Variants in FMO5 observed in about 807,000 individuals in gnomAD.
The protein encoded by FMO5 is flavin containing dimethylaniline monoxygenase 5, also known as flavin-containing monooxygenase 5.
A neutral mutation model predicts 43.6 loss-of-function variants in FMO5; 51 were observed. The observed-to-expected ratio is 1.17, with a 90% CI of 0.93 to 1.48. FMO5 has a LOEUF of 1.48. FMO5 is among the 40% of genes most tolerant of loss of function. The pLI, the probability that FMO5 is intolerant of heterozygous loss-of-function variation, is 0.00. For synonymous variants in FMO5, 187 were observed against 216.5 expected, an observed-to-expected ratio of 0.86 and a Z score of 1.20; for missense variants, 644 against 643.0, an observed-to-expected ratio of 1.00 and a Z score of -0.02.
At position 147,203,837 on chromosome 1, in the gene FMO5, T is replaced by G; in HGVS notation, c.831-2333A>C. 3 of 1,570,258 alleles carry G rather than the reference T, an allele frequency of 1.9e-6. No homozygotes were observed. In the Admixed American group the frequency reaches 5.0e-5, roughly 26 times the overall value. On this transcript the variant is annotated intron_variant, in intron 6 of 8. Coordinates refer to ENST00000254090, the MANE Select transcript of FMO5 (RefSeq NM_001461.4). ...GGTAGAAATGATGCCATCTTCCTTT[T>G]CATGCTTAAAAACCACCACCTGAGT...
At chr1:147,204,494 C>G in intron 6 of FMO5, 1 of 1,544,380 alleles carries the variant, frequency 6.5e-7, no homozygotes, top group Admixed American at 1.7e-5. Context: ...GAACAACGTA[C>G]CAAATTAGGA....
chr1:147,192,974 T>G (rs1327134809), intron 7 of FMO5, among the ~76,000 whole-genome samples: 1 of 152,142 alleles, frequency 6.6e-6, no homozygotes, highest in Non-Finnish European at 1.5e-5. Flanking sequence ...TAAAATTCTT[T>G]TTTGTTGTGT....
downstream of FMO5, chr1:147,184,385 T>TA: frequency 8.4e-7 from 1 of 1,197,028 alleles, no homozygotes; most frequent in South Asian, 2.4e-5. This position sits in a 1 kb window ranked among gnomAD's most constrained non-coding sequence, Gnocchi z 4.4. Flanking sequence ...CCAATATTGA[T>TA]ACATTATTAA....
At chr1:147,202,934 G>A (rs1417388131) in intron 6 of FMO5, among the ~76,000 whole-genome samples, 6 of 151,944 alleles carry the variant, frequency 3.9e-5, no homozygotes, top group Non-Finnish European at 8.8e-5. Flanking sequence ...TCTACTCCTT[G>A]TTATCTCAAC....
rs1048781217 is a variant in FMO5 at position 147,198,867 on chromosome 1, A to G, written c.1183+2285T>C. On this transcript the variant is annotated intron_variant, in intron 7 of 8. Transcript: ENST00000254090. ...CTGCATCTCAAAAAAAAAAAAAAAAAAAAAAAAAGAAAGAAAGATGGGCCT... is the reference window on the plus strand; with the variant it reads ...CTGCATCTCAAAAAAAAAAAAAAAAGAAAAAAAAGAAAGAAAGATGGGCCT... Among the ~76,000 whole-genome samples the G allele has an allele frequency of 1.3e-3, 202 of 150,308 alleles. 4 individuals carry two copies. The highest frequency in any genetic ancestry group is 4.6e-3 in the African/African-American group (190 of 41,044).
intron 5 of FMO5, among the ~76,000 whole-genome samples, chr1:147,211,896 A>G (rs1571340167): frequency 6.6e-6 from 1 of 152,326 alleles, no homozygotes; most frequent in South Asian, 2.1e-4. Context: ...TGTCTTTGGG[A>G]AGATAAAATT....
chr1:147,201,880 T>C (rs1659034990), intron 6 of FMO5, among the ~76,000 whole-genome samples: 1 of 152,242 alleles, frequency 6.6e-6, no homozygotes, highest in South Asian at 2.1e-4. Context: ...TTCAGTCTCA[T>C]TTCCAGTTTC....
At chr1:147,188,236 C>T (rs1360938319) in intron 8 of FMO5, among the ~76,000 whole-genome samples, 2 of 152,034 alleles carry the variant, frequency 1.3e-5, no homozygotes, top group Non-Finnish European at 2.9e-5. Context: ...CTATACTATT[C>T]ATGAGGTTGG....
chr1:147,213,050 C>T (rs1661346600), intron 4 of FMO5, among the ~76,000 whole-genome samples: 2 of 152,052 alleles, frequency 1.3e-5, no homozygotes, highest in Non-Finnish European at 2.9e-5. Context: ...ACATTCTTCC[C>T]TTTGATACTC....
At chr1:147,214,924 G>A (rs1300984551) in intron 3 of FMO5, 1 of 152,218 alleles carries the variant, frequency 6.6e-6, no homozygotes, top group African/African-American at 2.4e-5. Flanking sequence ...CCACTGGAAT[G>A]TAAATGACTT....
intron 6 of FMO5, chr1:147,204,787 C>A: frequency 1.3e-6 from 2 of 1,585,706 alleles, no homozygotes; most frequent in Admixed American, 1.7e-5. Context: ...CATTCCATTT[C>A]GTCCATATGC....
chr1:147,226,468 T>C (rs28381161), upstream of FMO5, among the ~76,000 whole-genome samples: 904 of 152,234 alleles, frequency 5.9e-3, 4 homozygotes, highest in Non-Finnish European at 9.4e-3. Context: ...CACACAGTTA[T>C]ATTAGTAACC....
intron 2 of FMO5, among the ~76,000 whole-genome samples, chr1:147,217,136 G>A (rs1559674277): frequency 6.6e-6 from 1 of 151,944 alleles, no homozygotes. Context: ...GCTAGTCGGG[G>A]GGCTGAGGCA....
chr1:147,220,059 C>G (rs148448751), intron 2 of FMO5, among the ~76,000 whole-genome samples: 1 of 151,948 alleles, frequency 6.6e-6, no homozygotes, highest in Admixed American at 6.6e-5. Flanking sequence ...AGGCTGGTCT[C>G]GATCTCCTGA....
At position 147,186,931 on chromosome 1, in the gene FMO5, G is replaced by T. The variant is rs781959760; in HGVS notation, c.1571C>A (p.Ala524Asp). 48 of 1,613,870 alleles carry T rather than the reference G, an allele frequency of 3.0e-5. No individual in the cohort carries two copies. The highest frequency in any genetic ancestry group is 8.9e-5 in the East Asian group (4 of 44,896). ...MTIGKFMLAL[A>D]FFAIIIAYF ...GTAAGCTATAATTATAGCAAAGAAG[G>T]CAAGAGCTAGCATAAACTTGCCTAT... The change falls in exon 9 of 9, where the codon GCC (alanine) becomes GAC (aspartate). Residue 524 changes from alanine (A) to aspartate (D), a missense_variant. Transcript: ENST00000254090.
chr1:147,201,154 T>G lies in FMO5; in HGVS notation c.1181A>C (p.Lys394Thr). The G allele has an allele frequency of 6.2e-7, 1 of 1,607,740 alleles. No individual in the cohort carries two copies. The highest frequency in any genetic ancestry group is 8.5e-7 in the Non-Finnish European group (1 of 1,176,114). ...LQGRWATQVF[K>T]GLKTLPSQSE... is the part of the protein sequence containing the mutation. Reference sequence around the variant, plus strand: ...AGTCTATTTGCATGGTCACTTACCTTTAAATACCTGAGTGGCCCAGCGTCC... The same window carrying G: ...AGTCTATTTGCATGGTCACTTACCTGTAAATACCTGAGTGGCCCAGCGTCC... Residue 394 changes from lysine (K) to threonine (T), a missense_variant and splice_region_variant, in exon 7 of 9, where the codon AAA becomes ACA. By Grantham distance (78) the Lys-to-Thr change is moderately conservative. Coordinates refer to ENST00000254090, the MANE Select transcript of FMO5 (RefSeq NM_001461.4).
upstream of FMO5, among the ~76,000 whole-genome samples, chr1:147,226,096 A>T (rs10900327): frequency 0.6 from 84,122 of 141,166 alleles, 24,743 homozygotes; most frequent in East Asian, 0.88. Flanking sequence ...GTTGTCTGGC[A>T]ATTTATCTTA....
At chr1:147,209,437 C>CAAACAAAAA (rs1553923339) in intron 5 of FMO5, among the ~76,000 whole-genome samples, 1 of 109,900 alleles carries the variant, frequency 9.1e-6, no homozygotes, top group East Asian at 2.6e-4. Flanking sequence ...GACTCCGTCT[C>CAAACAAAAA]AAAAAAAAAA....
intron 2 of FMO5, among the ~76,000 whole-genome samples, chr1:147,218,471 C>T (rs887571523): frequency 3.3e-5 from 5 of 151,968 alleles, no homozygotes; most frequent in Non-Finnish European, 5.9e-5. Context: ...CTCCTGACCT[C>T]GTGATCCGCC....
Sources: gnomAD v4.1 joint callset for allele counts (sites outside exome capture counted in the v4.1 genomes callset) on GRCh38, gnomAD v4.1.1 for gene constraint, Gnocchi (gnomAD v3.1) non-coding constraint, MANE v1.5 for transcripts, NCBI Gene and HGNC (gene_info 2026-07-23, HGNC 2026-07-21) for gene names.